The following ACSL3 variants were observed in gnomAD, a reference collection of about 807,000 sequenced individuals.
ACSL3 encodes the protein fatty acid CoA ligase Acsl3.
In ACSL3, 34 loss-of-function variants were observed where a neutral mutation model predicts 84.7. That is an observed-to-expected ratio of 0.40 (90% CI 0.31 to 0.53). The LOEUF (loss-of-function observed/expected upper bound fraction) is 0.53. Ranked by LOEUF, ACSL3 falls within the 20% of genes least tolerant of loss-of-function variation. ACSL3 has a pLI of 0.48. For missense variants in ACSL3, 680 were observed against 873.1 expected (o/e 0.78, Z 2.79); for synonymous variants, 315 against 299.4 (o/e 1.05, Z -0.54).
At chr2:222,913,766 T>G (rs1238726655) in intron 4 of ACSL3, among the ~76,000 whole-genome samples, 3 of 152,234 alleles carry the variant, frequency 2.0e-5, no homozygotes, top group African/African-American at 7.2e-5. Flanking sequence ...TGGGTTCATA[T>G]TCTAGTCCCA....
Position 222,924,498 on chromosome 2 carries a change from A to G in ACSL3, c.1195A>G (p.Ser399Gly). ...CTACAAAAATGTCATGAATAAAGTC[A>G]GTGAAATGAGTAGTTTTCAACGTAA... ...RIYKNVMNKV[S>G]EMSSFQRNLF... The change falls in exon 11 of 17, where the codon AGT (serine) becomes GGT (glycine). Residue 399 changes from serine (S) to glycine (G), a missense_variant. Physicochemically the swap from Ser to Gly is moderately conservative, Grantham distance 56. This residue lies in a region of ACSL3 where 347 missense variants were observed against 525.7 expected (regional missense o/e 0.66). Transcript: ENST00000357430. 1 of 1,609,274 alleles carries G rather than the reference A, an allele frequency of 6.2e-7. No individual in the cohort carries two copies. The highest frequency in any genetic ancestry group is 8.5e-7 in the Non-Finnish European group (1 of 1,178,102).
chr2:222,883,180 T>C (rs1695634472), intron 1 of ACSL3, among the ~76,000 whole-genome samples: 1 of 151,050 alleles, frequency 6.6e-6, no homozygotes, highest in Non-Finnish European at 1.5e-5. Context: ...TTTTTTTTTT[T>C]TCTTTTTTTC....
At chr2:222,898,859 A>C (rs1696062760) in intron 2 of ACSL3, among the ~76,000 whole-genome samples, 1 of 152,272 alleles carries the variant, frequency 6.6e-6, no homozygotes, top group South Asian at 2.1e-4. Context: ...AAAACAAAAC[A>C]AAAAAAGAAG....
chr2:222,908,165 A>G (rs904951828), intron 3 of ACSL3, among the ~76,000 whole-genome samples: 1 of 152,232 alleles, frequency 6.6e-6, no homozygotes, highest in African/African-American at 2.4e-5. Flanking sequence ...CAGAATGACC[A>G]AAGTATACTG....
At chr2:222,921,066 T>C in intron 7 of ACSL3, 1 of 656,528 alleles carries the variant, frequency 1.5e-6, no homozygotes, top group East Asian at 3.1e-5. Flanking sequence ...GTTTTCTTCA[T>C]AGGTTAATCT....
At chr2:222,869,889 T>G (rs1438337077) in intron 1 of ACSL3, among the ~76,000 whole-genome samples, 3 of 152,114 alleles carry the variant, frequency 2.0e-5, no homozygotes, top group African/African-American at 7.2e-5. Context: ...CGTAACCTCT[T>G]TATTTATTGA....
At chr2:222,915,311 A>G (rs2106123155) in intron 4 of ACSL3, among the ~76,000 whole-genome samples, 1 of 152,304 alleles carries the variant, frequency 6.6e-6, no homozygotes. Flanking sequence ...CAAAATAAAA[A>G]TTTATTTCTT....
intron 16 of ACSL3, among the ~76,000 whole-genome samples, chr2:222,936,955 G>T (rs1244143316): frequency 1.3e-5 from 2 of 152,064 alleles, no homozygotes; most frequent in Admixed American, 6.6e-5. Flanking sequence ...TGGAGAAACC[G>T]CACCCATGAT....
chr2:222,908,918 A>G lies in ACSL3; in HGVS notation c.146A>G (p.Gln49Arg), dbSNP rs1461675448. The G allele has an allele frequency of 6.2e-6, 10 of 1,612,774 alleles. No homozygotes were observed. The highest frequency in any genetic ancestry group is 8.5e-6 in the Non-Finnish European group (10 of 1,179,526). ...IPFYFFSESR[Q>R]EKSNRIKAKP... ...TTTTATTTTTTCTCCGAGTCAAGAC[A>G]AGAAAAATCAAACCGAATTAAAGCA... Residue 49 changes from glutamine (Q) to arginine (R), a missense_variant, in exon 4 of 17, where the codon CAA becomes CGA. Physicochemically the swap from Gln to Arg is conservative, Grantham distance 43. Around this residue, in one of 2 missense-constraint regions of ACSL3, gnomAD observed 333 missense variants for 347.5 expected, o/e 0.96. Transcript: ENST00000357430.
intron 16 of ACSL3, among the ~76,000 whole-genome samples, chr2:222,938,367 C>T (rs1159324543): frequency 1.3e-5 from 2 of 152,160 alleles, no homozygotes; most frequent in African/African-American, 4.8e-5. Context: ...TAAACCCCCT[C>T]TACTGTTGTT....
chr2:222,920,029 A>G (rs1447506378), intron 7 of ACSL3, among the ~76,000 whole-genome samples: 1 of 152,156 alleles, frequency 6.6e-6, no homozygotes, highest in Non-Finnish European at 1.5e-5. Context: ...AGGAAAGAAG[A>G]AAATATCTAG....
rs59973239 is a variant in ACSL3, at chr2:222,929,331, G to A, written c.1540+395G>A. Among the ~76,000 whole-genome samples the A allele has an allele frequency of 5.8e-3, 879 of 151,608 alleles. 12 individuals are homozygous for A. Among genetic ancestry groups the A allele is most frequent in the African/African-American group, 0.019 (780 of 41,298 alleles). ...TTTTTTTTCTGAGGGCTTCAACCTT[G>A]TATTATTAGAAGGAAATTTTCACTG... On this transcript the variant is annotated intron_variant, in intron 13 of 16. Transcript: ENST00000357430.
intron 1 of ACSL3, among the ~76,000 whole-genome samples, chr2:222,875,515 C>T (rs1695423885): frequency 6.6e-6 from 1 of 152,088 alleles, no homozygotes; most frequent in Non-Finnish European, 1.5e-5. Flanking sequence ...ATTCTGTATT[C>T]CTTTTGGTTC....
At chr2:222,904,289 AAAAC>A (rs1352001068) in intron 3 of ACSL3, among the ~76,000 whole-genome samples, 3 of 29,622 alleles carry the variant, frequency 1.0e-4, no homozygotes, top group African/African-American at 2.3e-4. Context: ...AAAACAAAAC[AAAAC>A]AAAAAACAAT....
rs1015374826 is a variant in ACSL3 at position 222,944,082 on chromosome 2, CCTT to C, written c.*2432_*2434del. ...TTCCCCACTGCTCCTCCACTGACAT[CCTT>C]CTTAGCAGAAACTTCATGAAAAAGT... On this transcript the variant is annotated 3_prime_UTR_variant, in exon 17 of 17. Transcript: ENST00000357430. 1.3e-5 allele frequency: 2 copies of C among 152,242 alleles called. No homozygotes were observed. The highest frequency in any genetic ancestry group is 6.5e-5 in the Admixed American group (1 of 15,278). 9.4% of individuals were successfully genotyped at this position (152,242 alleles called of 1,614,324 possible).
intron 16 of ACSL3, among the ~76,000 whole-genome samples, chr2:222,938,479 A>C (rs1480665946): frequency 6.6e-6 from 1 of 151,964 alleles, no homozygotes; most frequent in African/African-American, 2.4e-5. Flanking sequence ...GAATACTACT[A>C]TTTTCTAACC....
chr2:222,918,193 T>A (rs781520749), intron 6 of ACSL3, 38 bp downstream of exon 6: 3 of 1,425,976 alleles, frequency 2.1e-6, no homozygotes. Flanking sequence ...TCTGATACTT[T>A]AGAATTTTCA....
At chr2:222,928,285 C>A (rs1045071539) in intron 12 of ACSL3, among the ~76,000 whole-genome samples, 1 of 152,090 alleles carries the variant, frequency 6.6e-6, no homozygotes, top group African/African-American at 2.4e-5. Context: ...CTGATGGAAG[C>A]CTGCAGAGAT....
At chr2:222,907,066 G>C (rs979843492) in intron 3 of ACSL3, among the ~76,000 whole-genome samples, 1 of 152,220 alleles carries the variant, frequency 6.6e-6, no homozygotes, top group Admixed American at 6.5e-5. Flanking sequence ...CTGGAGCTGG[G>C]GCTGGGGACA....
Sources: allele counts gnomAD v4.1 joint callset (sites outside exome capture counted in the v4.1 genomes callset), GRCh38; gene constraint gnomAD v4.1.1; regional missense constraint gnomAD v4.1.1; transcripts MANE v1.5; gene names NCBI Gene and HGNC (gene_info 2026-07-23, HGNC 2026-07-21).